The following TPST1 variants were observed in gnomAD, a reference collection of about 807,000 sequenced individuals.
The protein encoded by TPST1 is protein-tyrosine sulfotransferase 1.
TPST1 carries 20 observed loss-of-function variants against 34.8 expected under a neutral mutation model. The ratio of observed to expected loss-of-function variants is 0.57; its 90% CI spans 0.40 to 0.84. TPST1 has a LOEUF of 0.84. Ranked by LOEUF, TPST1 falls within the 40% of genes least tolerant of loss-of-function variation. The probability of loss-of-function intolerance (pLI) is 0.00; values close to 1 mark genes in which losing one functional copy is unlikely to be tolerated. For synonymous variants in TPST1, 152 were observed against 159.4 expected (o/e 0.95, Z 0.35); for missense variants, 353 against 455.5 (o/e 0.78, Z 2.05).
chr7:66,310,852 G>A (rs1387158625), intron 3 of TPST1, among the ~76,000 whole-genome samples: 1 of 147,384 alleles, frequency 6.8e-6, no homozygotes, highest in African/African-American at 2.5e-5. Flanking sequence ...ACAGGGTCTC[G>A]CTCTGTTGCC....
chr7:66,331,798 G>C (rs1395610642), intron 3 of TPST1, among the ~76,000 whole-genome samples: 1 of 151,886 alleles, frequency 6.6e-6, no homozygotes, highest in Non-Finnish European at 1.5e-5. Context: ...CCTGTTTACT[G>C]TATCTAGTAA....
chr7:66,359,361 CT>C (rs1375392515), intron 5 of TPST1: 1 of 145,106 alleles, frequency 6.9e-6, no homozygotes, highest in Non-Finnish European at 1.5e-5. Context: ...GTGCTGCCCC[CT>C]GGACACTTAA....
chr7:66,337,338 C>T (rs182559216), intron 3 of TPST1, among the ~76,000 whole-genome samples: 82 of 136,930 alleles, frequency 6.0e-4, no homozygotes, highest in Admixed American at 9.5e-4. Flanking sequence ...GACAGAGCCT[C>T]GCTCTGTCAC....
At chr7:66,244,122 T>A (rs1790099165) in intron 2 of TPST1, among the ~76,000 whole-genome samples, 1 of 151,846 alleles carries the variant, frequency 6.6e-6, no homozygotes, top group Non-Finnish European at 1.5e-5. Context: ...CTAATTTTTT[T>A]ATTTTTATTT....
chr7:66,215,982 A>G (rs1789399809), intron 1 of TPST1, among the ~76,000 whole-genome samples: 2 of 151,814 alleles, frequency 1.3e-5, no homozygotes, highest in South Asian at 2.1e-4. Context: ...CGTGTTAGCC[A>G]GGATGGTCTG....
At chr7:66,216,658 C>T (rs1050304407) in intron 1 of TPST1, among the ~76,000 whole-genome samples, 3 of 151,960 alleles carry the variant, frequency 2.0e-5, no homozygotes, top group African/African-American at 7.3e-5. Flanking sequence ...TTAGTAGAGA[C>T]GAAGTTTCAC....
In TPST1 at chr7:66,240,984, C is replaced by T. The variant is rs1433304876; in HGVS notation, c.559C>T (p.Arg187Trp). The change falls in exon 2 of 6, where the codon CGG (arginine) becomes TGG (tryptophan). Residue 187 changes from arginine (R) to tryptophan (W), a missense_variant. By Grantham distance (101) the Arg-to-Trp change is moderately radical (BLOSUM62 -3). Transcript: ENST00000304842. ...ATTTCTCCTGATGGTCCGAGATGGC[C>T]GGGCATCAGTACATTCAATGATTTC... ...AKFLLMVRDG[R>W]ASVHSMISRK... 6.2e-6 allele frequency: 10 copies of T among 1,614,028 alleles called. No individual in the cohort carries two copies. The highest frequency in any genetic ancestry group is 7.6e-6 in the Non-Finnish European group (9 of 1,180,034).
chr7:66,226,436 G>A (rs1473941305), intron 1 of TPST1, among the ~76,000 whole-genome samples: 1 of 152,182 alleles, frequency 6.6e-6, no homozygotes, highest in Non-Finnish European at 1.5e-5. Flanking sequence ...ATTATACGTA[G>A]ATGATCTAAA....
chr7:66,359,367 A>C (rs1298577319), intron 5 of TPST1: 4 of 139,558 alleles, frequency 2.9e-5, no homozygotes, highest in African/African-American at 1.1e-4. Flanking sequence ...CCCCCTGGAC[A>C]CTTAAAGAAC....
chr7:66,240,184 G>T, intron 1 of TPST1, 141 bp from the exon 2 acceptor site: 5 of 488,162 alleles, frequency 1.0e-5, no homozygotes, highest in Admixed American at 7.3e-5. Context: ...ACCGCGCCCG[G>T]TCTCAATTTT....
At chr7:66,270,276 A>G (rs1790679410) in intron 2 of TPST1, among the ~76,000 whole-genome samples, 2 of 152,134 alleles carry the variant, frequency 1.3e-5, no homozygotes, top group Admixed American at 6.6e-5. Flanking sequence ...TTTATGTGGG[A>G]CCTTGTAGAC....
At chr7:66,335,141 T>C (rs1045682694) in intron 3 of TPST1, among the ~76,000 whole-genome samples, 5 of 152,194 alleles carry the variant, frequency 3.3e-5, no homozygotes, top group Non-Finnish European at 5.9e-5. Flanking sequence ...CATGGAACCT[T>C]CCCGTGGCCC....
rs2116403525 is a variant in TPST1, at chr7:66,240,430, T to C, written c.5T>C (p.Val2Ala). The C allele has an allele frequency of 1.9e-6, 3 of 1,612,870 alleles. No individual in the cohort carries two copies. Among genetic ancestry groups the C allele is most frequent in the Non-Finnish European group, 2.5e-6 (3 of 1,179,232 alleles). The change falls in exon 2 of 6, where the codon GTT (valine) becomes GCT (alanine). Residue 2 changes from valine (V) to alanine (A), a missense_variant. Physicochemically the swap from Val to Ala is moderately conservative, Grantham distance 64. Coordinates refer to ENST00000304842, the MANE Select transcript of TPST1 (RefSeq NM_003596.4). ...TAACAAGATAACCACATCAAGATGGTTGGAAAGCTGAAGCAGAACTTACTA... is the reference window on the plus strand; with the variant it reads ...TAACAAGATAACCACATCAAGATGGCTGGAAAGCTGAAGCAGAACTTACTA... Reference protein sequence around the residue: MVGKLKQNLLLA... With the variant: MAGKLKQNLLLA...
intron 1 of TPST1, among the ~76,000 whole-genome samples, chr7:66,228,889 CTT>C (rs1172118847): frequency 6.6e-6 from 1 of 152,052 alleles, no homozygotes; most frequent in East Asian, 1.9e-4. Context: ...CCTCAAATCT[CTT>C]GTGATTAAAA....
intron 1 of TPST1, among the ~76,000 whole-genome samples, chr7:66,230,424 G>T (rs926517255): frequency 6.6e-6 from 1 of 152,230 alleles, no homozygotes; most frequent in Non-Finnish European, 1.5e-5. Context: ...TTAAGGTGGT[G>T]CGTCTGGAGT....
At chr7:66,322,156 C>T (rs1312916578) in intron 3 of TPST1, among the ~76,000 whole-genome samples, 1 of 152,090 alleles carries the variant, frequency 6.6e-6, no homozygotes. Flanking sequence ...TGGATATATC[C>T]TCCTATGTTA....
intron 3 of TPST1, among the ~76,000 whole-genome samples, chr7:66,344,664 G>T (rs1792305723): frequency 6.6e-6 from 1 of 151,702 alleles, no homozygotes. Flanking sequence ...ACCTGCCTTG[G>T]CCTCCCAAAG....
intron 3 of TPST1, among the ~76,000 whole-genome samples, chr7:66,315,869 G>C (rs996279606): frequency 5.3e-5 from 8 of 152,128 alleles, no homozygotes; most frequent in Non-Finnish European, 1.2e-4. Context: ...CCAGCACTTT[G>C]GGAGGCCAAA....
intron 2 of TPST1, among the ~76,000 whole-genome samples, chr7:66,272,075 T>G (rs1790715508): frequency 6.6e-6 from 1 of 152,202 alleles, no homozygotes; most frequent in Non-Finnish European, 1.5e-5. Context: ...TTTTCCTGGA[T>G]GTAAGATTCT....
Sources: gnomAD v4.1 joint callset for allele counts (sites outside exome capture counted in the v4.1 genomes callset) on GRCh38, gnomAD v4.1.1 for gene constraint, MANE v1.5 for transcripts, NCBI Gene and HGNC (gene_info 2026-07-23, HGNC 2026-07-21) for gene names.